Variants in ADAM7 observed in about 807,000 individuals in gnomAD.
ADAM7 encodes disintegrin and metalloproteinase domain-containing protein 7.
A neutral mutation model predicts 102.9 loss-of-function variants in ADAM7; 97 were observed. That is an observed-to-expected ratio of 0.94 (90% CI 0.80 to 1.12). The LOEUF (loss-of-function observed/expected upper bound fraction) is 1.12, where lower values mean the gene tolerates loss of function less well. ADAM7 is among the 50% of genes most tolerant of loss of function. The pLI is 0.00. For synonymous variants in ADAM7, 334 were observed against 304.4 expected, an observed-to-expected ratio of 1.10 and a Z score of -1.01; for missense variants, 991 against 908.7, an observed-to-expected ratio of 1.09 and a Z score of -1.16.
chr8:24,487,971 T>G (rs1820202252), intron 11 of ADAM7, among the ~76,000 whole-genome samples: 1 of 152,174 alleles, frequency 6.6e-6, no homozygotes, highest in Non-Finnish European at 1.5e-5. Flanking sequence ...AATGTCTTCC[T>G]TCACATCTTT....
chr8:24,442,150 G>C (rs1397697140), intron 1 of ADAM7, among the ~76,000 whole-genome samples: 1 of 152,138 alleles, frequency 6.6e-6, no homozygotes, highest in Non-Finnish European at 1.5e-5. Flanking sequence ...CTCCAGCCTG[G>C]CTGACAGAGC....
In ADAM7 at chr8:24,468,821, G is replaced by A; in HGVS notation, c.633+1G>A. 1 of 1,611,486 alleles carries A rather than the reference G, an allele frequency of 6.2e-7. No homozygotes were observed. Among genetic ancestry groups the A allele is most frequent in the South Asian group, 1.1e-5 (1 of 90,864 alleles). On this transcript the variant is annotated splice_donor_variant, in intron 7 of 21. Coordinates refer to ENST00000175238, the MANE Select transcript of ADAM7 (RefSeq NM_003817.4). LOFTEE classifies it high-confidence loss of function. The stretch of plus-strand genomic sequence containing the variant: ...GTTCATTGTTGCTGATGATACTGTG[G>A]TAAGTTTTCAATAGAACATTTCTCT...
chr8:24,498,581 T>A (rs1345982417), intron 16 of ADAM7, among the ~76,000 whole-genome samples: 1 of 151,300 alleles, frequency 6.6e-6, no homozygotes, highest in Admixed American at 6.6e-5. Flanking sequence ...TTCCAATAAA[T>A]ATAGATGTAT....
At chr8:24,485,562 C>G (rs534097804) in intron 10 of ADAM7, among the ~76,000 whole-genome samples, 2 of 151,810 alleles carry the variant, frequency 1.3e-5, no homozygotes, top group Admixed American at 6.6e-5. Context: ...GAAGGTAAAC[C>G]CATTTTGTTT....
chr8:24,487,791 T>G (rs1053864473), intron 11 of ADAM7, among the ~76,000 whole-genome samples: 10 of 152,144 alleles, frequency 6.6e-5, no homozygotes, highest in Non-Finnish European at 8.8e-5. Context: ...TGGGGCTAAA[T>G]CTTGCCAACT....
At position 24,465,684 on chromosome 8, in the gene ADAM7, C is replaced by A; in HGVS notation, c.313-15C>A. On this transcript the variant is annotated splice_polypyrimidine_tract_variant and intron_variant, in intron 4 of 21. Coordinates refer to ENST00000175238, the MANE Select transcript of ADAM7 (RefSeq NM_003817.4). ...ATATTTATACATATAGTAATAGAGT[C>A]TTCTTCTATTTTAGGATCATTGTTT... 6.5e-7 allele frequency: 1 copy of A among 1,536,564 alleles called. No homozygotes were observed. Among genetic ancestry groups the A allele is most frequent in the South Asian group, 1.2e-5 (1 of 81,016 alleles).
At chr8:24,472,508 TATTA>T (rs1218154118) in intron 7 of ADAM7, among the ~76,000 whole-genome samples, 2 of 152,052 alleles carry the variant, frequency 1.3e-5, no homozygotes, top group Non-Finnish European at 2.9e-5. Context: ...TATTTCCAAA[TATTA>T]ATTGTCTAAA....
At chr8:24,467,317 C>A in intron 6 of ADAM7, 1 of 353,018 alleles carries the variant, frequency 2.8e-6, no homozygotes. Context: ...TCTTCCCTGC[C>A]ATTTTTTTTT....
intron 3 of ADAM7, among the ~76,000 whole-genome samples, chr8:24,448,266 T>C (rs1188929471): frequency 1.3e-5 from 2 of 152,152 alleles, no homozygotes; most frequent in Non-Finnish European, 2.9e-5. Flanking sequence ...CATAAGCACA[T>C]GATGATGCAG....
chr8:24,489,246 T>C lies in ADAM7; in HGVS notation c.1179T>C (p.Ile393=). The change falls in exon 12 of 22, where the codon ATT becomes ATC. Residue 393 remains isoleucine, a synonymous_variant. Transcript: ENST00000175238. ...ATAAGCCAACATGCATGCTCAACAT[T>C]CCATTTCCTTACAATTTTCATGATT... The part of the protein sequence containing the change: ...KDYKPTCMLN[I]PFPYNFHDFQ... The C allele has an allele frequency of 6.2e-7, 1 of 1,613,690 alleles. No individual in the cohort carries two copies. Among genetic ancestry groups the C allele is most frequent in the Non-Finnish European group, 8.5e-7 (1 of 1,179,736 alleles).
chr8:24,506,222 C>G (rs1820946012), intron 20 of ADAM7: 2 of 1,279,778 alleles, frequency 1.6e-6, no homozygotes, highest in Admixed American at 4.8e-5. Flanking sequence ...TTTCATGAAA[C>G]TTAATCATTT....
intron 3 of ADAM7, among the ~76,000 whole-genome samples, chr8:24,452,717 G>C (rs370981270): frequency 0.03 from 4,468 of 147,226 alleles, 107 homozygotes; most frequent in African/African-American, 0.042. Flanking sequence ...TTATTTTGCT[G>C]GTTAGTTGAT....
In ADAM7 at chr8:24,449,275, TAA is replaced by T. The variant is rs532619710; in HGVS notation, c.233+2016_233+2017del. ...CTAGTTTACAGTCCCACCAACAATG[TAA>T]AAGTGTTCCTGTTTCTCCACATCCT... On this transcript the variant is annotated intron_variant, in intron 3 of 21. Coordinates refer to ENST00000175238, the MANE Select transcript of ADAM7 (RefSeq NM_003817.4). Among the ~76,000 whole-genome samples, 392 of 152,320 alleles carry T rather than the reference TAA, an allele frequency of 2.6e-3. 1 individual carries two copies. The highest frequency in any genetic ancestry group is 9.0e-3 in the African/African-American group (374 of 41,568).
chr8:24,472,429 G>T (rs973456158), intron 7 of ADAM7, among the ~76,000 whole-genome samples: 8 of 151,874 alleles, frequency 5.3e-5, no homozygotes, highest in Admixed American at 5.3e-4. Context: ...AACCCAATTA[G>T]AAGTTATAAC....
intron 8 of ADAM7, among the ~76,000 whole-genome samples, chr8:24,477,263 A>G (rs1453386749): frequency 6.6e-6 from 1 of 152,194 alleles, no homozygotes; most frequent in East Asian, 1.9e-4. Flanking sequence ...CTTCCTCACA[A>G]TAATATATTC....
At chr8:24,491,693 C>CA (rs763795014) in intron 13 of ADAM7, among the ~76,000 whole-genome samples, 1 of 152,078 alleles carries the variant, frequency 6.6e-6, no homozygotes, top group Non-Finnish European at 1.5e-5. Flanking sequence ...GCTGTAATAC[C>CA]AAACTTCAAA....
At chr8:24,460,069 T>C (rs1819185393) in intron 3 of ADAM7, among the ~76,000 whole-genome samples, 2 of 151,036 alleles carry the variant, frequency 1.3e-5, no homozygotes, top group African/African-American at 2.5e-5. Context: ...ATTACCAATG[T>C]TTGGATTTGT....
intron 20 of ADAM7, chr8:24,506,168 T>C: frequency 6.5e-7 from 1 of 1,538,724 alleles, no homozygotes; most frequent in Non-Finnish European, 8.8e-7. Flanking sequence ...TACGTTCCCC[T>C]CCCCTTCCTC....
intron 3 of ADAM7, among the ~76,000 whole-genome samples, chr8:24,454,373 CA>C (rs1309838163): frequency 6.6e-6 from 1 of 152,232 alleles, no homozygotes; most frequent in Non-Finnish European, 1.5e-5. Context: ...GCCCCTCCCC[CA>C]GCCTCGCTGC....
Sources: allele counts gnomAD v4.1 joint callset (sites outside exome capture counted in the v4.1 genomes callset), GRCh38; gene constraint gnomAD v4.1.1; transcripts MANE v1.5; gene names NCBI Gene and HGNC (gene_info 2026-07-23, HGNC 2026-07-21).